The following SLC22A25 variants were observed in gnomAD, a reference collection of about 807,000 sequenced individuals.
SLC22A25 encodes the protein MGI:2442751, MGI:2385316, MGI:3042283, MGI:3645714, MGI:3605624, MGI:2442750.
SLC22A25 carries 44 observed loss-of-function variants against 45.9 expected under a neutral mutation model. That is an observed-to-expected ratio of 0.96 (90% CI 0.75 to 1.23). The LOEUF (loss-of-function observed/expected upper bound fraction) is 1.23. Among genes scored for constraint, SLC22A25 ranks in the 50% most tolerant of loss-of-function variants. The probability of loss-of-function intolerance (pLI) is 0.00; values close to 1 mark genes in which losing one functional copy is unlikely to be tolerated. For synonymous variants in SLC22A25, 283 were observed against 238.6 expected (o/e 1.19, Z -1.72); for missense variants, 800 against 666.4 (o/e 1.20, Z -2.21).
At chr11:63,192,744 C>A (rs1430886713) in intron 7 of SLC22A25, among the ~76,000 whole-genome samples, 1 of 152,152 alleles carries the variant, frequency 6.6e-6, no homozygotes, top group African/African-American at 2.4e-5. Context: ...AGAAAGAAGG[C>A]ATTACATAAT....
chr11:63,191,709 T>G (rs1306801832), intron 7 of SLC22A25, among the ~76,000 whole-genome samples: 3 of 152,062 alleles, frequency 2.0e-5, no homozygotes, highest in African/African-American at 7.2e-5. Context: ...TCACAAATAT[T>G]AAAAGCAGAA....
intron 9 of SLC22A25, among the ~76,000 whole-genome samples, chr11:63,175,388 G>A (rs1037496079): frequency 6.6e-6 from 1 of 151,990 alleles, no homozygotes; most frequent in Non-Finnish European, 1.5e-5. Flanking sequence ...TTTTCCATTG[G>A]CCATTTGTAT....
In SLC22A25 at chr11:63,217,623, C is replaced by T; in HGVS notation, c.619G>A (p.Gly207Arg). 1.9e-6 allele frequency: 3 copies of T among 1,613,832 alleles called. No homozygotes were observed. Among genetic ancestry groups the T allele is most frequent in the Non-Finnish European group, 2.5e-6 (3 of 1,179,972 alleles). ...LVYCSLRFLA[G>R]AATFSIIVNT... The stretch of plus-strand genomic sequence containing the variant: ...ACAATGATGCTAAATGTAGCAGCCC[C>T]AGCCAAGAAGCGCAGGGAGCAGTAT... The change falls in exon 6 of 12, where the codon GGG becomes AGG. Residue 207 changes from glycine to arginine, a missense_variant. By Grantham distance (125) the Gly-to-Arg change is moderately radical. Transcript: ENST00000306494.
intron 4 of SLC22A25, among the ~76,000 whole-genome samples, chr11:63,228,781 C>T (rs897280019): frequency 7.9e-5 from 12 of 152,186 alleles, no homozygotes; most frequent in African/African-American, 2.2e-4. Flanking sequence ...CAGTTTTATT[C>T]CATACTAAAT....
rs113162182 is a variant in SLC22A25, at chr11:63,217,857, G to A, written c.507-122C>T. On this transcript the variant is annotated intron_variant, in intron 5 of 11. Transcript: ENST00000306494. ...ACAAGTGAAACTTTACACTTAAAACGTTAAAGAATCAACAGTTAATCAATG... is the reference window on the plus strand; with the variant it reads ...ACAAGTGAAACTTTACACTTAAAACATTAAAGAATCAACAGTTAATCAATG... The A allele has an allele frequency of 5.9e-6, 7 of 1,184,572 alleles. No homozygotes were observed. In the Admixed American group the frequency reaches 8.2e-5, roughly 14 times the overall value. 73.4% of individuals were successfully genotyped at this position (1,184,572 alleles called of 1,614,324 possible).
At chr11:63,208,835 C>T (rs1235827748) in intron 7 of SLC22A25, among the ~76,000 whole-genome samples, 1 of 152,030 alleles carries the variant, frequency 6.6e-6, no homozygotes, top group Non-Finnish European at 1.5e-5. Context: ...CTGTAGCAGG[C>T]TGTGACAGGG....
At chr11:63,222,026 C>T (rs544375187) in intron 5 of SLC22A25, among the ~76,000 whole-genome samples, 4 of 152,162 alleles carry the variant, frequency 2.6e-5, no homozygotes, top group South Asian at 2.1e-4. Flanking sequence ...GTTTTGGTTA[C>T]GATAGCTCTG....
intron 5 of SLC22A25, among the ~76,000 whole-genome samples, chr11:63,220,904 A>T (rs113862964): frequency 0.018 from 2,751 of 152,198 alleles, 32 homozygotes; most frequent in Middle Eastern, 0.058. Flanking sequence ...GGCTTATTTC[A>T]CTCAACATAA....
intron 9 of SLC22A25, among the ~76,000 whole-genome samples, chr11:63,170,675 A>G (rs2087847140): frequency 2.0e-5 from 3 of 152,174 alleles, no homozygotes; most frequent in Non-Finnish European, 4.4e-5. Context: ...AGTAAATAAT[A>G]GCCTACCAAC....
chr11:63,238,311 T>A (rs1035034196), intron 2 of SLC22A25, among the ~76,000 whole-genome samples: 1 of 152,194 alleles, frequency 6.6e-6, no homozygotes, highest in Non-Finnish European at 1.5e-5. Flanking sequence ...CCTTAAAAAA[T>A]TTAATGATTC....
At chr11:63,197,912 A>G (rs1233432216) in intron 7 of SLC22A25, among the ~76,000 whole-genome samples, 1 of 152,242 alleles carries the variant, frequency 6.6e-6, no homozygotes, top group East Asian at 1.9e-4. Context: ...AAAGTGGGCG[A>G]AGGATATGAG....
At chr11:63,237,392 GA>G (rs1411960281) in intron 3 of SLC22A25, among the ~76,000 whole-genome samples, 4 of 152,248 alleles carry the variant, frequency 2.6e-5, no homozygotes, top group East Asian at 1.9e-4. Flanking sequence ...GTTATTGCAG[GA>G]GGGGATCCTG....
chr11:63,224,153 A>G (rs558434564), intron 5 of SLC22A25, among the ~76,000 whole-genome samples: 1 of 152,170 alleles, frequency 6.6e-6, no homozygotes, highest in South Asian at 2.1e-4. Context: ...GTGCGTATAT[A>G]TTTATAATTT....
intron 7 of SLC22A25, among the ~76,000 whole-genome samples, chr11:63,195,282 C>A (rs2088979442): frequency 6.6e-6 from 1 of 152,102 alleles, no homozygotes; most frequent in Non-Finnish European, 1.5e-5. Context: ...ACTCTCCACC[C>A]CAAATCAACA....
rs75899776 is a variant in SLC22A25, at chr11:63,184,356, A to G, written c.831-539T>C. Among the ~76,000 whole-genome samples the G allele has an allele frequency of 8.3e-3, 1,261 of 152,214 alleles. 17 individuals are homozygous for G. Among genetic ancestry groups the G allele is most frequent in the African/African-American group, 0.029 (1,198 of 41,552 alleles). On this transcript the variant is annotated intron_variant, in intron 7 of 11. Coordinates refer to ENST00000306494, the MANE Select transcript of SLC22A25 (RefSeq NM_199352.6). ...TATCATGTATGATTGTTACAGAGAT[A>G]AGAGGAACTAATGGATGAGCCTGAC...
intron 7 of SLC22A25, among the ~76,000 whole-genome samples, chr11:63,184,219 T>C (rs879323912): frequency 2.6e-5 from 4 of 152,110 alleles, no homozygotes; most frequent in African/African-American, 4.8e-5. Context: ...TGAGGCCTCA[T>C]AGAGACTAGA....
rs751420506 is a variant in SLC22A25, at chr11:63,229,698, C to G, written c.-46G>C. 2 of 1,553,166 alleles carry G rather than the reference C, an allele frequency of 1.3e-6. No homozygotes were observed. The highest frequency in any genetic ancestry group is 3.6e-5 in the Admixed American group (2 of 55,132). ...CCAAGAGGAGACAAAATGACTGTAT[C>G]CAGATAAGTTCAAAGAGAAAATATT... is the stretch of plus-strand genomic sequence containing the variant. On this transcript the variant is annotated 5_prime_UTR_variant, in exon 4 of 12. Transcript: ENST00000306494.
In SLC22A25 at chr11:63,229,683, A is replaced by T; in HGVS notation, c.-31T>A. On this transcript the variant is annotated 5_prime_UTR_variant, in exon 4 of 12. Transcript: ENST00000306494. ...CTGGACAAGTGATCCCCAAGAGGAG[A>T]CAAAATGACTGTATCCAGATAAGTT... 2 of 1,580,622 alleles carry T rather than the reference A, an allele frequency of 1.3e-6. No homozygotes were observed. The highest frequency in any genetic ancestry group is 1.7e-6 in the Non-Finnish European group (2 of 1,157,086).
chr11:63,179,927 AG>A (rs1243899782), intron 9 of SLC22A25, among the ~76,000 whole-genome samples: 2 of 152,132 alleles, frequency 1.3e-5, no homozygotes, highest in Non-Finnish European at 2.9e-5. Flanking sequence ...GTGTGTCCAA[AG>A]GCCAAGGTGT....
Sources: allele counts gnomAD v4.1 joint callset (sites outside exome capture counted in the v4.1 genomes callset), GRCh38; gene constraint gnomAD v4.1.1; transcripts MANE v1.5; gene names NCBI Gene and HGNC (gene_info 2026-07-23, HGNC 2026-07-21).